SYT1: variants seen among roughly 807,000 people sequenced by gnomAD.
The protein encoded by SYT1 is synaptotagmin-1.
SYT1 carries 8 observed loss-of-function variants against 44.8 expected under a neutral mutation model. The observed-to-expected ratio is 0.18, with a 90% CI of 0.10 to 0.32. SYT1 has a LOEUF of 0.32. SYT1 is among the 10% of genes least tolerant of loss of function. The pLI is 1.00. For synonymous variants in SYT1, 154 were observed against 188.8 expected (o/e 0.82, Z 1.51); for missense variants, 286 against 509.3 (o/e 0.56, Z 4.22).
chr12:78,867,868 A>G (rs1168537913), intron 1 of SYT1, among the ~76,000 whole-genome samples: 1 of 152,010 alleles, frequency 6.6e-6, no homozygotes, highest in Non-Finnish European at 1.5e-5. Flanking sequence ...AGTATTAATT[A>G]TATGCTTGTA....
At chr12:78,962,332 CT>C (rs35875550) in intron 1 of SYT1, among the ~76,000 whole-genome samples, 16,430 of 130,012 alleles carry the variant, frequency 0.13, 788 homozygotes, top group African/African-American at 0.18. Flanking sequence ...AGCATTCTTT[CT>C]TTTTTTTTTT....
At chr12:79,018,927 TC>T (rs1871995468) in intron 2 of SYT1, among the ~76,000 whole-genome samples, 2 of 141,724 alleles carry the variant, frequency 1.4e-5, no homozygotes, top group East Asian at 4.5e-4. Context: ...CATAATTATT[TC>T]TAAAATTAAA....
chr12:79,030,402 C>T lies in SYT1; in HGVS notation c.-83-16895C>T, dbSNP rs552227374. Among the ~76,000 whole-genome samples the T allele has an allele frequency of 1.1e-4, 16 of 151,146 alleles. 1 individual carries two copies. The highest frequency in any genetic ancestry group is 3.4e-3 in the Middle Eastern group (1 of 294). On this transcript the variant is annotated intron_variant, in intron 2 of 10. Transcript: ENST00000261205. ...AAACATTCCCAGTGCTTTTCTCCCT[C>T]CATAACTTTTCTCCTTCATAACTGA...
chr12:78,929,792 A>G (rs569437797), intron 1 of SYT1, among the ~76,000 whole-genome samples: 5 of 152,314 alleles, frequency 3.3e-5, no homozygotes, highest in African/African-American at 1.2e-4. Context: ...TGAGAAATGT[A>G]AGCTGCAAAT....
intron 1 of SYT1, among the ~76,000 whole-genome samples, chr12:78,965,024 G>A (rs866368695): frequency 2.0e-5 from 3 of 152,000 alleles, no homozygotes; most frequent in Non-Finnish European, 4.4e-5. Flanking sequence ...ACTGAGGAAA[G>A]TGATACATTT....
At chr12:79,423,232 A>G (rs925275350) in intron 9 of SYT1, among the ~76,000 whole-genome samples, 1 of 152,062 alleles carries the variant, frequency 6.6e-6, no homozygotes, top group Non-Finnish European at 1.5e-5. Flanking sequence ...TTTTGTTTTA[A>G]TGTCCATATT....
At chr12:78,978,937 G>A (rs1270122604) in intron 2 of SYT1, among the ~76,000 whole-genome samples, 8 of 152,168 alleles carry the variant, frequency 5.3e-5, no homozygotes, top group South Asian at 2.1e-4. Context: ...GTACCTATAC[G>A]CTTATGCGAT....
At chr12:79,044,907 C>G (rs1478960164) in intron 2 of SYT1, among the ~76,000 whole-genome samples, 1 of 152,144 alleles carries the variant, frequency 6.6e-6, no homozygotes, top group East Asian at 1.9e-4. Flanking sequence ...TCAGTGTGCC[C>G]CTGCTGGGGG....
At chr12:79,362,812 C>T (rs2136028264) in intron 9 of SYT1, among the ~76,000 whole-genome samples, 1 of 152,268 alleles carries the variant, frequency 6.6e-6, no homozygotes, top group Middle Eastern at 3.4e-3. Context: ...TCAGGATGAT[C>T]TCAAAGGCAC....
At chr12:79,052,994 A>G (rs1874631830) in intron 3 of SYT1, among the ~76,000 whole-genome samples, 1 of 152,162 alleles carries the variant, frequency 6.6e-6, no homozygotes, top group Non-Finnish European at 1.5e-5. Flanking sequence ...TGACCCAGCA[A>G]CACCATTACT....
At chr12:79,041,546 G>C (rs940563662) in intron 2 of SYT1, among the ~76,000 whole-genome samples, 22 of 152,094 alleles carry the variant, frequency 1.4e-4, no homozygotes, top group African/African-American at 5.3e-4. Flanking sequence ...GGGTTTTCTT[G>C]ATACACAATC....
intron 3 of SYT1, among the ~76,000 whole-genome samples, chr12:79,076,682 TG>T (rs1473339163): frequency 6.6e-6 from 1 of 152,170 alleles, no homozygotes; most frequent in Non-Finnish European, 1.5e-5. Context: ...GGCTCACACC[TG>T]TAATTCCAGC....
rs566149076 is a variant in SYT1, at chr12:79,340,814, C to T, written c.811-12688C>T. 1.8e-3 allele frequency among the ~76,000 whole-genome samples: 270 copies of T among 152,290 alleles called. 1 individual carries two copies. Among genetic ancestry groups the T allele is most frequent in the African/African-American group, 6.2e-3 (256 of 41,570 alleles). ...CTAAAGGTAATAAATGGTAGAATTTCAAGTACCTCAGCACACTATAGCATA... is the reference window on the plus strand; with the variant it reads ...CTAAAGGTAATAAATGGTAGAATTTTAAGTACCTCAGCACACTATAGCATA... On this transcript the variant is annotated intron_variant, in intron 8 of 10. Coordinates refer to ENST00000261205, the MANE Select transcript of SYT1 (RefSeq NM_005639.3).
intron 3 of SYT1, among the ~76,000 whole-genome samples, chr12:79,156,682 T>A (rs1870619597): frequency 6.6e-6 from 1 of 152,172 alleles, no homozygotes; most frequent in Non-Finnish European, 1.5e-5. Flanking sequence ...TTAGCCAGGA[T>A]GGTCTTGATC....
Position 79,347,341 on chromosome 12 carries a change from A to G in SYT1, c.811-6161A>G, listed in dbSNP as rs574062969. ...CTGAAAAGATGCTCACCCAAGATGT[A>G]GGAGCAGCCCACATCCAATGTTTGG... On this transcript the variant is annotated intron_variant, in intron 8 of 10. Coordinates refer to ENST00000261205, the MANE Select transcript of SYT1 (RefSeq NM_005639.3). Among the ~76,000 whole-genome samples the G allele has an allele frequency of 7.9e-5, 12 of 152,270 alleles. No individual in the cohort carries two copies. In the South Asian group the frequency reaches 2.5e-3, roughly 32 times the overall value.
chr12:79,277,824 A>C (rs1878821070), intron 4 of SYT1, among the ~76,000 whole-genome samples: 1 of 152,082 alleles, frequency 6.6e-6, no homozygotes, highest in Admixed American at 6.6e-5. Context: ...GGGAAAATAT[A>C]TATCATGCAA....
chr12:79,077,941 T>A (rs1876770680), intron 3 of SYT1, among the ~76,000 whole-genome samples: 2 of 152,196 alleles, frequency 1.3e-5, no homozygotes, highest in Non-Finnish European at 2.9e-5. Context: ...CTACTCACAT[T>A]TTTTTCTGAT....
intron 2 of SYT1, among the ~76,000 whole-genome samples, chr12:79,005,183 G>T (rs530301573): frequency 6.6e-6 from 1 of 152,088 alleles, no homozygotes; most frequent in Non-Finnish European, 1.5e-5. Context: ...CATCCAACAT[G>T]TGTTATAGGC....
chr12:79,103,714 G>A (rs1367941860), intron 3 of SYT1, among the ~76,000 whole-genome samples: 1 of 151,302 alleles, frequency 6.6e-6, no homozygotes, highest in East Asian at 1.9e-4. Flanking sequence ...TGACCTCTTA[G>A]TGTCCAACTC....
Sources: gnomAD v4.1 joint callset for allele counts (sites outside exome capture counted in the v4.1 genomes callset) on GRCh38, gnomAD v4.1.1 for gene constraint, MANE v1.5 for transcripts, NCBI Gene and HGNC (gene_info 2026-07-23, HGNC 2026-07-21) for gene names.